Variants in PEMT observed in about 807,000 individuals in gnomAD.
PEMT encodes phospholipid methyltransferase.
Under a neutral mutation model 27.4 loss-of-function variants are expected in PEMT, and 23 were observed. The observed-to-expected ratio is 0.84, with a 90% CI of 0.60 to 1.19. PEMT has a LOEUF of 1.19. Ranked by LOEUF, PEMT falls within the 50% of genes most tolerant of loss-of-function variation. PEMT has a pLI of 0.00. For missense variants in PEMT, 307 were observed against 310.1 expected (o/e 0.99, Z 0.07); for synonymous variants, 137 against 139.1 (o/e 0.98, Z 0.11).
chr17:17,508,123 C>T (rs1020546871), intron 5 of PEMT: 2 of 152,506 alleles, frequency 1.3e-5, no homozygotes, highest in Non-Finnish European at 2.9e-5. Flanking sequence ...TGTGTGAGTG[C>T]ATACATGCAT....
At chr17:17,530,705 TAC>T (rs1306497572) in intron 2 of PEMT, among the ~76,000 whole-genome samples, 1 of 152,178 alleles carries the variant, frequency 6.6e-6, no homozygotes, top group African/African-American at 2.4e-5. Flanking sequence ...TATTTAATAA[TAC>T]AGATATTATT....
chr17:17,507,068 G>T, intron 5 of PEMT: 2 of 1,124,058 alleles, frequency 1.8e-6, no homozygotes. Flanking sequence ...GTAAGCAGCG[G>T]CAGCTCGTCA....
In PEMT at chr17:17,561,637, G is replaced by A. The variant is rs1357702228; in HGVS notation, c.204+15283C>T. Among the ~76,000 whole-genome samples, 1 of 152,230 alleles carries A rather than the reference G, an allele frequency of 6.6e-6. No homozygotes were observed. Among genetic ancestry groups the A allele is most frequent in the African/African-American group, 2.4e-5 (1 of 41,462 alleles). On this transcript the variant is annotated intron_variant, in intron 2 of 6. Transcript: ENST00000255389. The surrounding 1 kb of genome is among the most constrained non-coding windows in gnomAD (Gnocchi z 4.5). ...GCCAGGCAGCTGTGCCTGGGTCACA[G>A]ATGAGAATACCAAGGCTCGGAGAAG... is the stretch of plus-strand genomic sequence containing the variant.
At chr17:17,526,654 G>A (rs1223073585) in intron 2 of PEMT, among the ~76,000 whole-genome samples, 2 of 152,238 alleles carry the variant, frequency 1.3e-5, no homozygotes, top group African/African-American at 4.8e-5. Context: ...CGTCTGGCCT[G>A]AGGTGGCAGC....
intron 2 of PEMT, among the ~76,000 whole-genome samples, chr17:17,533,051 C>A (rs1160384016): frequency 1.3e-5 from 2 of 152,072 alleles, no homozygotes; most frequent in African/African-American, 2.4e-5. Context: ...AAACAAAAAA[C>A]CAAAGTTGGA....
Position 17,578,126 on chromosome 17 carries a change from T to C in PEMT, c.97-1099A>G, listed in dbSNP as rs1168911962. 6.6e-5 allele frequency among the ~76,000 whole-genome samples: 10 copies of C among 152,142 alleles called. No individual in the cohort carries two copies. In the East Asian group the frequency reaches 1.7e-3, roughly 26 times the overall value. On this transcript the variant is annotated intron_variant, in intron 1 of 6. Transcript: ENST00000255389. The stretch of plus-strand genomic sequence containing the variant: ...CATGATTCAGCACCTAGACAGAAAT[T>C]TCTAGAAAACAACATAAAATATAGT...
At chr17:17,519,443 G>C (rs1430903505) in intron 3 of PEMT, among the ~76,000 whole-genome samples, 7 of 152,228 alleles carry the variant, frequency 4.6e-5, no homozygotes, top group African/African-American at 1.7e-4. Flanking sequence ...GGAAAGCTGG[G>C]AGCCACCATC....
rs1597970001 is a variant in PEMT, at chr17:17,586,121, A to G, written c.96+5410T>C. Among the ~76,000 whole-genome samples the G allele has an allele frequency of 2.0e-5, 3 of 150,732 alleles. No homozygotes were observed. The South Asian group carries it at 6.3e-4, about 32-fold the overall frequency. ...AAATTGTCACAGATTTTTGAGACCC[A>G]TTAAAAAAAATCTAATGAGAAAGAA... is the stretch of plus-strand genomic sequence containing the variant. On this transcript the variant is annotated intron_variant, in intron 1 of 6. Coordinates refer to ENST00000255389, the MANE Select transcript of PEMT (RefSeq NM_148172.3).
chr17:17,525,374 A>G (rs1002146331), intron 2 of PEMT, among the ~76,000 whole-genome samples: 3 of 152,222 alleles, frequency 2.0e-5, no homozygotes, highest in Non-Finnish European at 4.4e-5. Flanking sequence ...TTCCGAGGCA[A>G]TCGATAAACC....
At chr17:17,562,079 G>A (rs961470114) in intron 2 of PEMT, among the ~76,000 whole-genome samples, 3 of 152,236 alleles carry the variant, frequency 2.0e-5, no homozygotes, top group African/African-American at 7.2e-5. Context: ...CCGTGCTGCA[G>A]CTCGGGGCTG....
At chr17:17,553,829 A>G (rs1201746259) in intron 2 of PEMT, among the ~76,000 whole-genome samples, 3 of 152,216 alleles carry the variant, frequency 2.0e-5, no homozygotes, top group African/African-American at 7.2e-5. Context: ...GTTCCCTACT[A>G]TGTCCTCTGC....
chr17:17,515,544 G>C (rs2142521987), intron 3 of PEMT, among the ~76,000 whole-genome samples: 2 of 152,298 alleles, frequency 1.3e-5, no homozygotes, highest in South Asian at 4.1e-4. Flanking sequence ...AGTCGGCAGA[G>C]GAACTGGGCT....
chr17:17,592,085 C>T, upstream of PEMT: 3 of 985,196 alleles, frequency 3.0e-6, no homozygotes, highest in Non-Finnish European at 3.6e-6. Flanking sequence ...GGGTCACACA[C>T]GCCCAGGGCC....
At chr17:17,558,692 A>AC (rs1910246654) in intron 2 of PEMT, among the ~76,000 whole-genome samples, 1 of 124,790 alleles carries the variant, frequency 8.0e-6, no homozygotes, top group Admixed American at 8.2e-5. Context: ...GAAAAAAAAA[A>AC]AAAAAAACAA....
At chr17:17,555,163 G>A in intron 2 of PEMT, among the ~76,000 whole-genome samples, 1 of 152,180 alleles carries the variant, frequency 6.6e-6, no homozygotes, top group East Asian at 1.9e-4. Context: ...GGAGCCCAGA[G>A]TGAGGACATG....
chr17:17,549,808 G>C (rs1909519845), intron 2 of PEMT, among the ~76,000 whole-genome samples: 1 of 152,200 alleles, frequency 6.6e-6, no homozygotes, highest in Admixed American at 6.5e-5. Flanking sequence ...TTTCAGGCGG[G>C]TCTGGGGCTG....
At chr17:17,566,564 G>A (rs2142711799) in intron 2 of PEMT, among the ~76,000 whole-genome samples, 1 of 152,352 alleles carries the variant, frequency 6.6e-6, no homozygotes, top group Non-Finnish European at 1.5e-5. Context: ...CAGGGAGGAG[G>A]GCCCAGCCAT....
intron 2 of PEMT, among the ~76,000 whole-genome samples, chr17:17,529,210 G>A (rs1000691186): frequency 2.6e-5 from 4 of 152,170 alleles, no homozygotes; most frequent in African/African-American, 7.2e-5. Flanking sequence ...CAGCCGGCCC[G>A]GTGACCTGGA....
chr17:17,552,351 G>C (rs1392395619), intron 2 of PEMT, among the ~76,000 whole-genome samples: 1 of 152,132 alleles, frequency 6.6e-6, no homozygotes, highest in Non-Finnish European at 1.5e-5. Flanking sequence ...AGAATTCTCT[G>C]ATGCAAAATG....
Sources: allele counts gnomAD v4.1 joint callset (sites outside exome capture counted in the v4.1 genomes callset), GRCh38; gene constraint gnomAD v4.1.1; non-coding constraint Gnocchi (gnomAD v3.1); transcripts MANE v1.5; gene names NCBI Gene and HGNC (gene_info 2026-07-23, HGNC 2026-07-21).